Variants in FBXL7 observed in about 807,000 individuals in gnomAD.
FBXL7 encodes the protein F-box and leucine rich repeat protein 7, also known as F-box/LRR-repeat protein 7.
In FBXL7, 12 loss-of-function variants were observed where a neutral mutation model predicts 38.3. The ratio of observed to expected loss-of-function variants is 0.31; its 90% CI spans 0.20 to 0.51. The LOEUF (loss-of-function observed/expected upper bound fraction) is 0.51. Ranked by LOEUF, FBXL7 falls within the 20% of genes least tolerant of loss-of-function variation. FBXL7 has a pLI of 0.98. For missense variants in FBXL7, 567 were observed against 676.4 expected, an observed-to-expected ratio of 0.84 and a Z score of 1.79; for synonymous variants, 297 against 300.9, an observed-to-expected ratio of 0.99 and a Z score of 0.13.
intron 2 of FBXL7, among the ~76,000 whole-genome samples, chr5:15,644,234 G>A (rs1412988499): frequency 6.0e-5 from 9 of 150,958 alleles, no homozygotes; most frequent in East Asian, 2.0e-4. Context: ...CGAAGTGGGC[G>A]GATCACCTGA....
At position 15,852,685 on chromosome 5, in the gene FBXL7, A is replaced by G. The variant is rs547897264; in HGVS notation, c.128-75205A>G. ...AATCATCTGAAATAGTTTCCCCTGG[A>G]AAAAAAAAAAACATGGCCATATATG... is the stretch of plus-strand genomic sequence containing the variant. On this transcript the variant is annotated intron_variant, in intron 2 of 3. Coordinates refer to ENST00000504595, the MANE Select transcript of FBXL7 (RefSeq NM_012304.5). Among the ~76,000 whole-genome samples, 36 of 139,656 alleles carry G rather than the reference A, an allele frequency of 2.6e-4. No homozygotes were observed. The East Asian group carries it at 5.4e-3, about 21-fold the overall frequency. 91.6% of individuals were successfully genotyped at this position (139,656 alleles called of 152,430 possible).
chr5:15,720,930 TA>T (rs1744178925), intron 2 of FBXL7, among the ~76,000 whole-genome samples: 1 of 152,120 alleles, frequency 6.6e-6, no homozygotes, highest in East Asian at 1.9e-4. Context: ...TTGAAAGTGA[TA>T]ATTTTTAAAT....
intron 2 of FBXL7, among the ~76,000 whole-genome samples, chr5:15,774,068 A>G (rs1349559862): frequency 1.3e-5 from 2 of 151,758 alleles, no homozygotes; most frequent in African/African-American, 4.8e-5. Context: ...TTTTTTACAG[A>G]TCTGGAGGTC....
intron 1 of FBXL7, among the ~76,000 whole-genome samples, chr5:15,553,057 G>T (rs1297908052): frequency 1.3e-5 from 2 of 151,310 alleles, no homozygotes; most frequent in East Asian, 3.9e-4. Context: ...ACTCCAGCCT[G>T]GCGACAGAGT....
chr5:15,577,537 ATATTC>A lies in FBXL7; in HGVS notation c.38-38443_38-38439del, dbSNP rs1179559209. Among the ~76,000 whole-genome samples, 8 of 152,196 alleles carry A rather than the reference ATATTC, an allele frequency of 5.3e-5. No individual in the cohort carries two copies. The South Asian group carries it at 1.7e-3, about 32-fold the overall frequency. On this transcript the variant is annotated intron_variant, in intron 1 of 3. Coordinates refer to ENST00000504595, the MANE Select transcript of FBXL7 (RefSeq NM_012304.5). ...CAATCATTTTTAAGTAAATTAAAAT[ATATTC>A]TAGTTGTTTTTGTTCTGATTCCTAT...
intron 2 of FBXL7, among the ~76,000 whole-genome samples, chr5:15,802,647 C>T (rs1379682963): frequency 1.3e-5 from 2 of 151,134 alleles, no homozygotes; most frequent in Admixed American, 6.6e-5. Context: ...TCAGCACCAC[C>T]ACATCATCCT....
chr5:15,579,932 G>A (rs1298680743), intron 1 of FBXL7, among the ~76,000 whole-genome samples: 1 of 152,186 alleles, frequency 6.6e-6, no homozygotes, highest in Non-Finnish European at 1.5e-5. Flanking sequence ...TTATTCCAGG[G>A]AAGCAGCATT....
chr5:15,543,608 C>T (rs1737818347), intron 1 of FBXL7, among the ~76,000 whole-genome samples: 1 of 152,134 alleles, frequency 6.6e-6, no homozygotes, highest in Non-Finnish European at 1.5e-5. Context: ...ATTTGTATCT[C>T]CATGATACTG....
Position 15,928,073 on chromosome 5 carries a change from CCTCCAGA to C in FBXL7, c.313_319del (p.Ser105ProfsTer8). The C allele has an allele frequency of 6.3e-7, 1 of 1,592,954 alleles. No homozygotes were observed. The highest frequency in any genetic ancestry group is 1.1e-5 in the South Asian group (1 of 90,752). ...CTCACACACCCGCTCATCCGGCTCG[CCTCCAGA>C]CCCCAGAAGGAGCAGGCCAGCATAG... On this transcript the variant is annotated frameshift_variant, in exon 3 of 4. Transcript: ENST00000504595. LOFTEE classifies it high-confidence loss of function. This position sits in a 1 kb window ranked among gnomAD's most constrained non-coding sequence, Gnocchi z 4.0.
At chr5:15,707,160 C>CT (rs1743708106) in intron 2 of FBXL7, among the ~76,000 whole-genome samples, 1 of 52,644 alleles carries the variant, frequency 1.9e-5, no homozygotes, top group Non-Finnish European at 4.2e-5. Flanking sequence ...GGTAGTGTTT[C>CT]TTTTTTTCTT....
At chr5:15,892,912 T>C (rs1740962769) in intron 2 of FBXL7, among the ~76,000 whole-genome samples, 1 of 151,970 alleles carries the variant, frequency 6.6e-6, no homozygotes, top group Admixed American at 6.6e-5. Context: ...GGTCAGGAGA[T>C]CGAGACCATC....
chr5:15,665,253 A>T (rs1742231386), intron 2 of FBXL7, among the ~76,000 whole-genome samples: 1 of 152,106 alleles, frequency 6.6e-6, no homozygotes, highest in African/African-American at 2.4e-5. Context: ...CCCCTGGGGG[A>T]GGCCAGTGAA....
At chr5:15,930,045 C>T (rs1271804146) in intron 3 of FBXL7, among the ~76,000 whole-genome samples, 3 of 152,166 alleles carry the variant, frequency 2.0e-5, no homozygotes, top group Admixed American at 2.0e-4. Context: ...CAGATGACAG[C>T]CCATTACTTT....
chr5:15,927,900 G>A lies in FBXL7; in HGVS notation c.138G>A (p.Leu46=). The A allele has an allele frequency of 1.3e-6, 2 of 1,524,102 alleles. No homozygotes were observed. The highest frequency in any genetic ancestry group is 1.8e-6 in the Non-Finnish European group (2 of 1,135,884). The allele number at this position is 1,524,102 out of a possible 1,614,324, so 94.4% of individuals were successfully genotyped here. A position where few individuals can be genotyped will look rare whatever the true frequency, so the allele number is the denominator to read the frequency against. ...TCTGTCCTTTGCCAGACTCCGACCT[G>A]AGCATGCGCACACTGAGCACGCCCA... ...KNVATSEDSD[L]SMRTLSTPSP... Residue 46 remains leucine (L), a synonymous_variant, in exon 3 of 4, where the codon CTG becomes CTA. Coordinates refer to ENST00000504595, the MANE Select transcript of FBXL7 (RefSeq NM_012304.5).
intron 2 of FBXL7, among the ~76,000 whole-genome samples, chr5:15,728,449 C>A (rs779917957): frequency 4.6e-5 from 7 of 152,076 alleles, no homozygotes; most frequent in Non-Finnish European, 7.4e-5. Flanking sequence ...CCCTAACTTC[C>A]GAATTCTTTG....
chr5:15,541,443 G>GTATGTA (rs1554004565), intron 1 of FBXL7, among the ~76,000 whole-genome samples: 5 of 38,426 alleles, frequency 1.3e-4, no homozygotes, highest in African/African-American at 3.8e-4. Flanking sequence ...GTGTGTGTGT[G>GTATGTA]TATATATATA....
intron 2 of FBXL7, among the ~76,000 whole-genome samples, chr5:15,770,936 T>C (rs1347956388): frequency 1.3e-5 from 2 of 152,164 alleles, no homozygotes; most frequent in Non-Finnish European, 2.9e-5. Context: ...TTACCAAACT[T>C]GGGGTTATAT....
intron 2 of FBXL7, among the ~76,000 whole-genome samples, chr5:15,777,711 C>T (rs1196513484): frequency 9.4e-6 from 1 of 105,882 alleles, no homozygotes; most frequent in East Asian, 2.7e-4. Flanking sequence ...TTGCAAACCC[C>T]TATTCTGGTA....
intron 1 of FBXL7, among the ~76,000 whole-genome samples, chr5:15,586,157 G>A (rs1345845150): frequency 1.3e-5 from 2 of 152,018 alleles, no homozygotes; most frequent in Non-Finnish European, 2.9e-5. Context: ...TATTAAGATT[G>A]ATGAGGGAAT....
Sources: allele counts gnomAD v4.1 joint callset (sites outside exome capture counted in the v4.1 genomes callset), GRCh38; gene constraint gnomAD v4.1.1; non-coding constraint Gnocchi (gnomAD v3.1); transcripts MANE v1.5; gene names NCBI Gene and HGNC (gene_info 2026-07-23, HGNC 2026-07-21).